The following RALYL variants were observed in gnomAD, a reference collection of about 807,000 sequenced individuals.
RALYL encodes RNA-binding Raly-like protein.
RALYL carries 29 observed loss-of-function variants against 35.1 expected under a neutral mutation model. The ratio of observed to expected loss-of-function variants is 0.83; its 90% CI spans 0.61 to 1.13. The LOEUF is 1.13. Ranked by LOEUF, RALYL falls within the 50% of genes most tolerant of loss-of-function variation. The pLI is 0.00. For missense variants in RALYL, 359 were observed against 360.4 expected, an observed-to-expected ratio of 1.00 and a Z score of 0.03; for synonymous variants, 120 against 127.6, an observed-to-expected ratio of 0.94 and a Z score of 0.40.
Position 84,232,718 on chromosome 8 carries a change from G to A in RALYL, c.-24+48294G>A, listed in dbSNP as rs1300621002. ...ACTTCATGTTGTTTTGAAGAGAGAC[G>A]GTAGGCATATATGTGTTGTATAACA... On this transcript the variant is annotated intron_variant, in intron 1 of 8. Transcript: ENST00000521268. Among the ~76,000 whole-genome samples, 6 of 151,882 alleles carry A rather than the reference G, an allele frequency of 4.0e-5. 1 individual carries two copies. The highest frequency in any genetic ancestry group is 2.0e-4 in the Admixed American group (3 of 15,226).
intron 1 of RALYL, among the ~76,000 whole-genome samples, chr8:84,328,685 G>A (rs1344137507): frequency 6.6e-6 from 1 of 152,104 alleles, no homozygotes; most frequent in Non-Finnish European, 1.5e-5. Context: ...AGGATGCTAA[G>A]GTTTGGGATA....
intron 1 of RALYL, among the ~76,000 whole-genome samples, chr8:84,261,157 G>A (rs1322019886): frequency 6.6e-6 from 1 of 150,964 alleles, no homozygotes; most frequent in African/African-American, 2.4e-5. Context: ...TTTTATTCAG[G>A]TGGAATTAAT....
At chr8:84,513,653 TTAG>T (rs1053204088) in intron 1 of RALYL, among the ~76,000 whole-genome samples, 1 of 152,202 alleles carries the variant, frequency 6.6e-6, no homozygotes, top group Non-Finnish European at 1.5e-5. Flanking sequence ...AAATAAACGT[TTAG>T]TTTTTTTAAT....
chr8:84,306,852 GT>G (rs1841913747), intron 1 of RALYL, among the ~76,000 whole-genome samples: 2 of 152,198 alleles, frequency 1.3e-5, no homozygotes, highest in African/African-American at 4.8e-5. Flanking sequence ...GTATCCTGGT[GT>G]TTAGATCAGG....
At chr8:84,623,253 T>G (rs1030937784) in intron 2 of RALYL, among the ~76,000 whole-genome samples, 2 of 152,216 alleles carry the variant, frequency 1.3e-5, no homozygotes, top group East Asian at 3.9e-4. Flanking sequence ...AAAGAATTAA[T>G]GTGTCATGTT....
intron 1 of RALYL, among the ~76,000 whole-genome samples, chr8:84,479,908 G>A (rs2053869715): frequency 6.6e-6 from 1 of 152,138 alleles, no homozygotes; most frequent in Admixed American, 6.5e-5. Context: ...ATGTCCAGCA[G>A]TAAGTTGTTA....
intron 1 of RALYL, among the ~76,000 whole-genome samples, chr8:84,376,892 T>G (rs1236633294): frequency 6.6e-6 from 1 of 151,808 alleles, no homozygotes; most frequent in Non-Finnish European, 1.5e-5. Context: ...GTTTAGTCAA[T>G]TTACCCTACC....
At chr8:84,649,781 T>C (rs190459470) in intron 2 of RALYL, among the ~76,000 whole-genome samples, 148 of 152,254 alleles carry the variant, frequency 9.7e-4, no homozygotes, top group African/African-American at 3.3e-3. Context: ...TTTGGTTGCA[T>C]ATGAACTTTA....
chr8:84,274,677 G>T (rs1050834648), intron 1 of RALYL, among the ~76,000 whole-genome samples: 1 of 152,126 alleles, frequency 6.6e-6, no homozygotes, highest in African/African-American at 2.4e-5. Context: ...TTCAGGAATT[G>T]TATCTCTATA....
chr8:84,290,013 G>A (rs1283153239), intron 1 of RALYL, among the ~76,000 whole-genome samples: 1 of 152,168 alleles, frequency 6.6e-6, no homozygotes, highest in Non-Finnish European at 1.5e-5. Context: ...TCAGGCCAAA[G>A]GAATTGCTAT....
intron 1 of RALYL, among the ~76,000 whole-genome samples, chr8:84,230,382 A>T (rs1163522000): frequency 6.6e-6 from 1 of 152,166 alleles, no homozygotes; most frequent in African/African-American, 2.4e-5. Flanking sequence ...ATACAAATTT[A>T]TTCAGTTAAT....
intron 1 of RALYL, among the ~76,000 whole-genome samples, chr8:84,504,965 C>A (rs2057039028): frequency 6.6e-6 from 1 of 151,994 alleles, no homozygotes; most frequent in African/African-American, 2.4e-5. Context: ...TGTAAGTCAC[C>A]AATGGGGAAG....
intron 3 of RALYL, among the ~76,000 whole-genome samples, chr8:84,789,395 A>T (rs1464729883): frequency 1.3e-5 from 2 of 152,246 alleles, no homozygotes; most frequent in Non-Finnish European, 2.9e-5. Context: ...TGGCAAAGAC[A>T]CTTATGATAC....
chr8:84,889,644 C>T (rs539053565), intron 8 of RALYL, among the ~76,000 whole-genome samples: 10 of 152,312 alleles, frequency 6.6e-5, no homozygotes, highest in African/African-American at 2.4e-4. Flanking sequence ...TATCCCTGAT[C>T]TCTTCATGGG....
intron 1 of RALYL, among the ~76,000 whole-genome samples, chr8:84,513,176 G>T (rs2057764716): frequency 1.3e-5 from 2 of 151,904 alleles, no homozygotes; most frequent in East Asian, 3.9e-4. Flanking sequence ...TTTTTTGTGT[G>T]TGTTCTCTTC....
intron 3 of RALYL, among the ~76,000 whole-genome samples, chr8:84,801,852 C>T (rs6473557): frequency 0.77 from 117,722 of 152,062 alleles, 45,811 homozygotes; most frequent in East Asian, 0.87. Flanking sequence ...GGTGGTAACA[C>T]AAAAACATTT....
At chr8:84,341,357 T>A (rs1443969728) in intron 1 of RALYL, among the ~76,000 whole-genome samples, 1 of 151,928 alleles carries the variant, frequency 6.6e-6, no homozygotes, top group African/African-American at 2.4e-5. Context: ...ACATGTGAAA[T>A]TCTGTGCTCA....
intron 1 of RALYL, among the ~76,000 whole-genome samples, chr8:84,319,926 G>A (rs1194346113): frequency 6.6e-6 from 1 of 151,678 alleles, no homozygotes; most frequent in Non-Finnish European, 1.5e-5. Context: ...AACTAGTTCT[G>A]TTTTCTTCTA....
intron 1 of RALYL, among the ~76,000 whole-genome samples, chr8:84,471,606 C>T (rs1356604647): frequency 6.6e-6 from 1 of 152,038 alleles, no homozygotes; most frequent in Non-Finnish European, 1.5e-5. Flanking sequence ...TTCTCAGTCT[C>T]ACACAGGACA....
Sources: allele counts gnomAD v4.1 joint callset (sites outside exome capture counted in the v4.1 genomes callset), GRCh38; gene constraint gnomAD v4.1.1; transcripts MANE v1.5; gene names NCBI Gene and HGNC (gene_info 2026-07-23, HGNC 2026-07-21).